EEF1E1: variants seen among roughly 807,000 people sequenced by gnomAD.
EEF1E1 encodes the protein eukaryotic translation elongation factor 1 epsilon 1.
A neutral mutation model predicts 19.9 loss-of-function variants in EEF1E1; 19 were observed. The ratio of observed to expected loss-of-function variants is 0.95; its 90% confidence interval spans 0.66 to 1.40. The LOEUF (loss-of-function observed/expected upper bound fraction) is 1.40, where lower values mean the gene tolerates loss of function less well. EEF1E1 is among the 40% of genes most tolerant of loss of function. The pLI, the probability that EEF1E1 is intolerant of heterozygous loss-of-function variation, is 0.00. For missense variants in EEF1E1, 198 were observed against 202.2 expected (o/e 0.98, Z 0.13); for synonymous variants, 81 against 80.0 (o/e 1.01, Z -0.07).
intron 2 of EEF1E1, among the ~76,000 whole-genome samples, chr6:8,092,061 G>C (rs1053299970): frequency 3.3e-5 from 5 of 152,198 alleles, no homozygotes; most frequent in African/African-American, 1.2e-4. Flanking sequence ...TTTTCACTTG[G>C]TGGAAGGGGT....
intron 3 of EEF1E1, 39 bp downstream of exon 3, chr6:8,090,147 C>T (rs767921882): frequency 6.2e-6 from 9 of 1,450,406 alleles, no homozygotes; most frequent in Middle Eastern, 1.8e-4. Flanking sequence ...TCATTCTCAA[C>T]ACTACAGAAA....
At chr6:8,074,891 AGAG>A (rs1280407774), downstream of EEF1E1, among the ~76,000 whole-genome samples, 1 of 152,230 alleles carries the variant, frequency 6.6e-6, no homozygotes, top group African/African-American at 2.4e-5. Flanking sequence ...TGAGGGATTC[AGAG>A]GAGTAAGACA....
chr6:8,091,948 G>A (rs1216033695), intron 2 of EEF1E1, among the ~76,000 whole-genome samples: 1 of 152,206 alleles, frequency 6.6e-6, no homozygotes, highest in East Asian at 1.9e-4. Flanking sequence ...GTAAACAAAA[G>A]AGATTTATTC....
chr6:8,088,033 G>C (rs1183612720), intron 3 of EEF1E1, among the ~76,000 whole-genome samples: 1 of 152,112 alleles, frequency 6.6e-6, no homozygotes, highest in Non-Finnish European at 1.5e-5. Context: ...ACTTACTTGG[G>C]CAATCTCAAA....
chr6:8,102,211 T>C (rs1034335669), intron 1 of EEF1E1: 1 of 678,032 alleles, frequency 1.5e-6, no homozygotes, highest in Non-Finnish European at 1.8e-6. Flanking sequence ...GAGGTGAAGT[T>C]CAGGCCAAGC....
chr6:8,100,437 CA>C (rs939484227), intron 1 of EEF1E1, among the ~76,000 whole-genome samples: 4 of 152,084 alleles, frequency 2.6e-5, no homozygotes, highest in African/African-American at 4.8e-5. Flanking sequence ...TTGAGGGGAC[CA>C]AGGGAAAGCA....
chr6:8,080,633 G>A (rs1168209113), intron 3 of EEF1E1, among the ~76,000 whole-genome samples: 1 of 152,202 alleles, frequency 6.6e-6, no homozygotes, highest in Admixed American at 6.5e-5. Flanking sequence ...GATACAAACT[G>A]CAGGTGCTTA....
chr6:8,083,230 C>T (rs118138404), intron 3 of EEF1E1, among the ~76,000 whole-genome samples: 4 of 152,318 alleles, frequency 2.6e-5, no homozygotes, highest in South Asian at 2.1e-4. Context: ...CAGGGTGACA[C>T]GCTGCTTTGC....
chr6:8,094,404 C>G (rs1267337333), intron 2 of EEF1E1, among the ~76,000 whole-genome samples: 2 of 151,722 alleles, frequency 1.3e-5, no homozygotes, highest in Non-Finnish European at 2.9e-5. Context: ...CGAGATCAGC[C>G]TGGCCAACAT....
At chr6:8,087,908 G>A (rs932769911) in intron 3 of EEF1E1, among the ~76,000 whole-genome samples, 6 of 152,144 alleles carry the variant, frequency 3.9e-5, no homozygotes, top group African/African-American at 9.7e-5. Flanking sequence ...TTCCACAGGG[G>A]GAAGATGGGT....
downstream of EEF1E1, among the ~76,000 whole-genome samples, chr6:8,076,618 C>G (rs1195932764): frequency 1.3e-5 from 2 of 152,054 alleles, no homozygotes; most frequent in Non-Finnish European, 2.9e-5. Flanking sequence ...CCACCACGCC[C>G]GGCCTACAAA....
At chr6:8,078,439 G>T, downstream of EEF1E1, 1 of 192,590 alleles carries the variant, frequency 5.2e-6, no homozygotes, top group Non-Finnish European at 1.1e-5. Flanking sequence ...CAAAGATCAC[G>T]GGACACAGAT....
intron 1 of EEF1E1, chr6:8,101,871 G>T: frequency 7.9e-7 from 1 of 1,273,780 alleles, no homozygotes; most frequent in Non-Finnish European, 1.0e-6. Context: ...AGACTCCTTA[G>T]GTGTTCTCTC....
chr6:8,089,305 TAGTC>T (rs754309278), intron 3 of EEF1E1, among the ~76,000 whole-genome samples: 1 of 152,180 alleles, frequency 6.6e-6, no homozygotes, highest in South Asian at 2.1e-4. Flanking sequence ...AGCGGTGTAT[TAGTC>T]AGGGTTCTCT....
chr6:8,092,869 C>CTTTTTT lies in EEF1E1; in HGVS notation c.289-2594_289-2589dup, dbSNP rs942764776. On this transcript the variant is annotated intron_variant, in intron 2 of 3. Transcript: ENST00000379715. ...TTTTGTGTTTTAGTGATAAAGACTGCTTTTTTTTTTTTTTTTTTTTTTTGA... is the reference window on the plus strand; with the variant it reads ...TTTTGTGTTTTAGTGATAAAGACTGCTTTTTTTTTTTTTTTTTTTTTTTTTTTTTGA... 7.5e-4 allele frequency among the ~76,000 whole-genome samples: 70 copies of CTTTTTT among 93,736 alleles called. 1 individual carries two copies. Among genetic ancestry groups the CTTTTTT allele is most frequent in the Admixed American group, 8.9e-4 (6 of 6,762 alleles). The allele number at this position is 93,736 out of a possible 152,430, so 61.5% of individuals were successfully genotyped here.
chr6:8,078,512 CAG>C (rs1757652067), downstream of EEF1E1: 2 of 369,694 alleles, frequency 5.4e-6, no homozygotes, highest in African/African-American at 2.2e-5. Context: ...AAATGTGACA[CAG>C]AGACATGAAG....
rs1758199307 is a variant in EEF1E1 at position 8,097,184 on chromosome 6, C to T, written c.288+83G>A. ...GAAGGAAAGAGGTGAAGAAGGCCAA[C>T]AGCTACAGCTTTTTAATCTCAGGGG... is the stretch of plus-strand genomic sequence containing the variant. On this transcript the variant is annotated intron_variant, in intron 2 of 3. Transcript: ENST00000379715. 4.3e-6 allele frequency: 6 copies of T among 1,383,884 alleles called. No homozygotes were observed. In the South Asian group the frequency reaches 7.3e-5, roughly 17 times the overall value. 85.7% of individuals were successfully genotyped at this position (1,383,884 alleles called of 1,614,324 possible). A position where few individuals can be genotyped will look rare whatever the true frequency, so the allele number is the denominator to read the frequency against.
downstream of EEF1E1, among the ~76,000 whole-genome samples, chr6:8,077,076 T>C (rs537684898): frequency 1.9e-4 from 29 of 152,054 alleles, no homozygotes; most frequent in Admixed American, 8.5e-4. Flanking sequence ...CCCGAGTAGC[T>C]GGGACTACAG....
chr6:8,079,754 G>A lies in EEF1E1; in HGVS notation c.*136C>T, dbSNP rs1757680279. On this transcript the variant is annotated 3_prime_UTR_variant, in exon 4 of 4. Coordinates refer to ENST00000379715, the MANE Select transcript of EEF1E1 (RefSeq NM_004280.5). Reference sequence around the variant, plus strand: ...GAACAAATAAAACATTCAGACACAAGTTTACACTTCAAAAATTCTATCAAC... The same window carrying A: ...GAACAAATAAAACATTCAGACACAAATTTACACTTCAAAAATTCTATCAAC... 1 of 1,330,942 alleles carries A rather than the reference G, an allele frequency of 7.5e-7. No individual in the cohort carries two copies. Among genetic ancestry groups the A allele is most frequent in the Admixed American group, 3.1e-5 (1 of 32,266 alleles). 82.4% of individuals were successfully genotyped at this position (1,330,942 alleles called of 1,614,324 possible).
Sources: gnomAD v4.1 joint callset for allele counts (sites outside exome capture counted in the v4.1 genomes callset) on GRCh38, gnomAD v4.1.1 for gene constraint, MANE v1.5 for transcripts, NCBI Gene and HGNC (gene_info 2026-07-23, HGNC 2026-07-21) for gene names.